The following CHM variants were observed in gnomAD, a reference collection of about 807,000 sequenced individuals.
CHM encodes CHM Rab escort protein, also known as rab proteins geranylgeranyltransferase component A 1.
Under a neutral mutation model 49.0 loss-of-function variants are expected in CHM, and 10 were observed. The observed-to-expected ratio is 0.20, with a 90% CI of 0.13 to 0.35. The LOEUF is 0.35. CHM is among the 10% of genes least tolerant of loss of function. The probability of loss-of-function intolerance (pLI) is 1.00; values close to 1 mark genes in which losing one functional copy is unlikely to be tolerated. For missense variants in CHM, 455 were observed against 478.4 expected, an observed-to-expected ratio of 0.95 and a Z score of 0.46; for synonymous variants, 184 against 167.5, an observed-to-expected ratio of 1.10 and a Z score of -0.76.
In CHM at chrX:85,878,864, T is replaced by C. The variant is rs1395970407; in HGVS notation, c.1609+101A>G. ...AACATGTGAATTGTTGTTGAATACA[T>C]CCCATTTCAGTTCAGGTTGCAGAAA... is the stretch of plus-strand genomic sequence containing the variant. On this transcript the variant is annotated intron_variant, in intron 13 of 14. Transcript: ENST00000357749. 23 of 579,748 alleles carry C rather than the reference T, an allele frequency of 4.0e-5. No individual in the cohort carries two copies. In the African/African-American group the frequency reaches 4.5e-4, roughly 11 times the overall value. 47.8% of individuals were successfully genotyped at this position (579,748 alleles called of 1,213,427 possible).
chrX:85,956,157 A>G lies in CHM; in HGVS notation c.1162T>C (p.Cys388Arg). The change falls in exon 8 of 15, where the codon TGC becomes CGC. Residue 388 changes from cysteine to arginine, a missense_variant. Transcript: ENST00000357749. ...GAAAATCAATGGCAAACTTACCTGC[A>G]GAAACACTGGGGGAGTTCTCCTTGG... ...YGQGELPQCF[C>R]RMCAVFGGIY... 8.3e-7 allele frequency: 1 copy of G among 1,207,746 alleles called. No homozygotes were observed. Among genetic ancestry groups the G allele is most frequent in the Non-Finnish European group, 1.1e-6 (1 of 891,824 alleles).
At chrX:85,871,454 C>T (rs1924069925) in intron 14 of CHM, among the ~76,000 whole-genome samples, 1 of 109,889 alleles carries the variant, frequency 9.1e-6, no homozygotes, top group Admixed American at 9.7e-5. Context: ...GACATAATTA[C>T]AGGCTGATAC....
rs12687534 is a variant in CHM, at chrX:85,896,722, G to A, written c.1414-2438C>T. Among the ~76,000 whole-genome samples, 364 of 106,844 alleles carry A rather than the reference G, an allele frequency of 3.4e-3. 2 individuals are homozygous for A. In the East Asian group the frequency reaches 0.055, roughly 16 times the overall value. 92.8% of individuals were successfully genotyped at this position (106,844 alleles called of 115,157 possible). A position where few individuals can be genotyped will look rare whatever the true frequency, so the allele number is the denominator to read the frequency against. On this transcript the variant is annotated intron_variant, in intron 11 of 14. Coordinates refer to ENST00000357749, the MANE Select transcript of CHM (RefSeq NM_000390.4). ...CCTGATATTTAAGGACTGGGTAAAG[G>A]AACAAGAGCCCACTAAAGAAGTAGA...
chrX:85,984,658 C>T (rs941541128), intron 2 of CHM, among the ~76,000 whole-genome samples: 8 of 111,886 alleles, frequency 7.2e-5, no homozygotes, highest in African/African-American at 2.6e-4. Flanking sequence ...AGTCTTTCCA[C>T]AGCAGCTTTA....
At chrX:85,984,855 A>G (rs998641135) in intron 2 of CHM, among the ~76,000 whole-genome samples, 1 of 112,563 alleles carries the variant, frequency 8.9e-6, no homozygotes, top group African/African-American at 3.2e-5. Context: ...AGTACATACT[A>G]TATGATACCA....
chrX:85,946,527 G>A (rs1458271718), intron 8 of CHM, among the ~76,000 whole-genome samples: 1 of 111,898 alleles, frequency 8.9e-6, no homozygotes, highest in Non-Finnish European at 1.9e-5. Context: ...CATAAGCCTT[G>A]GTGGCTTCCA....
intron 8 of CHM, among the ~76,000 whole-genome samples, chrX:85,926,361 C>T (rs1928078796): frequency 9.0e-6 from 1 of 111,357 alleles, no homozygotes; most frequent in African/African-American, 3.3e-5. Context: ...TGTTCACTGG[C>T]TCCCCCTTGT....
chrX:86,033,388 T>C (rs946964576), intron 1 of CHM, among the ~76,000 whole-genome samples: 2 of 112,465 alleles, frequency 1.8e-5, no homozygotes, highest in African/African-American at 6.5e-5. Flanking sequence ...GGATTTCTGC[T>C]TTCTACCTTG....
intron 4 of CHM, chrX:85,971,487 GT>G (rs1302395106): frequency 8.9e-6 from 2 of 224,798 alleles, no homozygotes; most frequent in African/African-American, 6.2e-5. Context: ...AGCGTCTGGA[GT>G]TGTTCGTTCC....
chrX:85,971,269 T>C (rs1930884809), intron 4 of CHM: 20 of 749,836 alleles, frequency 2.7e-5, no homozygotes, highest in Non-Finnish European at 3.1e-5. Context: ...TGTCCGGAAT[T>C]GGTGGGTTCT....
chrX:85,904,263 G>A (rs1031693788), intron 9 of CHM, among the ~76,000 whole-genome samples: 21 of 111,105 alleles, frequency 1.9e-4, no homozygotes, highest in African/African-American at 5.9e-4. Context: ...GAGGAGGAAC[G>A]TAACAGGTGT....
At chrX:85,891,949 G>A (rs183125473) in intron 12 of CHM, among the ~76,000 whole-genome samples, 1 of 112,113 alleles carries the variant, frequency 8.9e-6, no homozygotes, top group East Asian at 2.8e-4. Context: ...AGTGTGACCT[G>A]GATGTGAGAC....
chrX:85,929,978 T>G (rs1928326583), intron 8 of CHM, among the ~76,000 whole-genome samples: 1 of 111,347 alleles, frequency 9.0e-6, no homozygotes, highest in African/African-American at 3.3e-5. Context: ...GGCATGCACC[T>G]GTAGTCCCAG....
chrX:86,005,710 C>A (rs1185434507), intron 2 of CHM, among the ~76,000 whole-genome samples: 1 of 110,976 alleles, frequency 9.0e-6, no homozygotes, highest in Non-Finnish European at 1.9e-5. Context: ...AAGACTAAAC[C>A]GGGAAGAAGT....
At chrX:85,941,084 G>A (rs767271243) in intron 8 of CHM, among the ~76,000 whole-genome samples, 2 of 111,749 alleles carry the variant, frequency 1.8e-5, no homozygotes, top group East Asian at 5.6e-4. Flanking sequence ...GTATTATGCA[G>A]AGAATAGATG....
At chrX:85,962,908 G>A (rs973038825) in intron 5 of CHM, among the ~76,000 whole-genome samples, 26 of 111,656 alleles carry the variant, frequency 2.3e-4, no homozygotes, top group Admixed American at 2.0e-3. Flanking sequence ...GAACATAACC[G>A]AAGACAATAG....
Position 85,900,819 on chromosome X carries a change from G to T in CHM, c.1350-110C>A, listed in dbSNP as rs902357267. 78 of 622,392 alleles carry T rather than the reference G, an allele frequency of 1.3e-4. 1 individual carries two copies. In the African/African-American group the frequency reaches 1.6e-3, roughly 13 times the overall value. 51.3% of individuals were successfully genotyped at this position (622,392 alleles called of 1,213,427 possible). On this transcript the variant is annotated intron_variant, in intron 10 of 14. Coordinates refer to ENST00000357749, the MANE Select transcript of CHM (RefSeq NM_000390.4). ...TTCAAAGATTTAAGTCAGGATAAAA[G>T]TGTCACCTCCCAAAACCAAGTCAAG...
intron 14 of CHM, among the ~76,000 whole-genome samples, chrX:85,870,758 T>C (rs1367273649): frequency 6.3e-5 from 7 of 111,640 alleles, no homozygotes; most frequent in Admixed American, 2.8e-4. Flanking sequence ...GAGCAAGTCA[T>C]AGAAAGAATC....
intron 6 of CHM, among the ~76,000 whole-genome samples, chrX:85,958,415 C>T (rs1308736973): frequency 9.0e-6 from 1 of 111,680 alleles, no homozygotes; most frequent in African/African-American, 3.3e-5. Flanking sequence ...TAGCAAAGCT[C>T]TGCTCTTCTG....
Sources: allele counts gnomAD v4.1 joint callset (sites outside exome capture counted in the v4.1 genomes callset), GRCh38; gene constraint gnomAD v4.1.1; transcripts MANE v1.5; gene names NCBI Gene and HGNC (gene_info 2026-07-23, HGNC 2026-07-21).